PRSS12: variants seen among roughly 807,000 people sequenced by gnomAD.
PRSS12 encodes neurotrypsin.
In PRSS12, 85 loss-of-function variants were observed where a neutral mutation model predicts 104.4. The ratio of observed to expected loss-of-function variants is 0.81; its 90% CI spans 0.68 to 0.98. PRSS12 has a LOEUF of 0.98. Among genes scored for constraint, PRSS12 ranks in the 50% least tolerant of loss-of-function variants. The probability of loss-of-function intolerance (pLI) is 0.00; values close to 1 mark genes in which losing one functional copy is unlikely to be tolerated. For synonymous variants in PRSS12, 454 were observed against 425.2 expected (o/e 1.07, Z -0.83); for missense variants, 1,141 against 1,139.2 (o/e 1.00, Z -0.02).
At chr4:118,307,839 T>C (rs1392626075) in intron 8 of PRSS12, among the ~76,000 whole-genome samples, 3 of 151,876 alleles carry the variant, frequency 2.0e-5, no homozygotes, top group South Asian at 2.1e-4. Context: ...AGCACTTCGG[T>C]ACTATAAATG....
intron 8 of PRSS12, 90 bp from the exon 9 acceptor site, chr4:118,299,028 T>G: frequency 7.2e-7 from 1 of 1,392,990 alleles, no homozygotes; most frequent in East Asian, 2.4e-5. Context: ...ATTCCTTAAT[T>G]TTTACATATT....
intron 1 of PRSS12, among the ~76,000 whole-genome samples, chr4:118,349,417 A>C (rs1578945633): frequency 6.7e-6 from 1 of 150,094 alleles, no homozygotes; most frequent in African/African-American, 2.5e-5. Flanking sequence ...AAAAAAAAAA[A>C]CAAAGAAAAA....
intron 1 of PRSS12, among the ~76,000 whole-genome samples, chr4:118,343,633 T>C (rs1236297590): frequency 6.6e-6 from 1 of 152,192 alleles, no homozygotes; most frequent in African/African-American, 2.4e-5. Flanking sequence ...GGCCCAGGCC[T>C]GTAATCCCAG....
rs535849901 is a variant in PRSS12 at position 118,291,215 on chromosome 4, C to T, written c.2039+3724G>A. Among the ~76,000 whole-genome samples the T allele has an allele frequency of 7.2e-5, 11 of 152,204 alleles. No individual in the cohort carries two copies. The East Asian group carries it at 2.1e-3, about 29-fold the overall frequency. On this transcript the variant is annotated intron_variant, in intron 11 of 12. Coordinates refer to ENST00000296498, the MANE Select transcript of PRSS12 (RefSeq NM_003619.4). ...AAGAGGAATCCATAACCCTGGCATC[C>T]CAGGCCATTCTCGTCTCTCTAAGTT...
chr4:118,302,856 T>C (rs754533764), intron 8 of PRSS12, among the ~76,000 whole-genome samples: 8 of 152,216 alleles, frequency 5.3e-5, no homozygotes, highest in South Asian at 2.1e-4. Context: ...ATTGTTGAGA[T>C]TGTTGTTTAT....
At chr4:118,329,044 G>A (rs1308775824) in intron 4 of PRSS12, among the ~76,000 whole-genome samples, 7 of 152,004 alleles carry the variant, frequency 4.6e-5, no homozygotes, top group African/African-American at 1.5e-4. Context: ...CACCCACCTC[G>A]GCCTCCCAAA....
intron 5 of PRSS12, among the ~76,000 whole-genome samples, chr4:118,317,184 C>T (rs768988917): frequency 1.3e-5 from 2 of 152,008 alleles, no homozygotes; most frequent in African/African-American, 2.4e-5. Flanking sequence ...AGATATGTCT[C>T]GCCTTTGTTC....
chr4:118,304,999 A>T (rs1743506117), intron 8 of PRSS12, among the ~76,000 whole-genome samples: 1 of 151,652 alleles, frequency 6.6e-6, no homozygotes, highest in Non-Finnish European at 1.5e-5. Context: ...AGTTTCCTGG[A>T]TTGATTTCTA....
intron 8 of PRSS12, among the ~76,000 whole-genome samples, chr4:118,300,783 A>G (rs986579541): frequency 6.6e-6 from 1 of 152,138 alleles, no homozygotes; most frequent in African/African-American, 2.4e-5. Context: ...TCTAGTAGAG[A>G]ATAATGGCAT....
chr4:118,315,726 C>A (rs923143667), intron 6 of PRSS12, among the ~76,000 whole-genome samples: 2 of 152,170 alleles, frequency 1.3e-5, no homozygotes, highest in Admixed American at 1.3e-4. Flanking sequence ...CATCTCCTAA[C>A]AAGAGGGCTG....
chr4:118,352,706 G>C lies in PRSS12; in HGVS notation c.15C>G (p.Arg5=). 1 of 1,613,028 alleles carries C rather than the reference G, an allele frequency of 6.2e-7. No individual in the cohort carries two copies. The change falls in exon 1 of 13, where the codon CGC becomes CGG. Residue 5 remains arginine (R), a synonymous_variant. Transcript: ENST00000296498. MTLA[R]FVLALMLGAL... is the part of the protein sequence containing the mutation. ...CCCCTAACATCAGGGCTAGCACGAA[G>C]CGGGCGAGCGTCATGGTGCCAGCGC...
At chr4:118,344,108 C>T (rs995225005) in intron 1 of PRSS12, among the ~76,000 whole-genome samples, 5 of 152,060 alleles carry the variant, frequency 3.3e-5, no homozygotes, top group Non-Finnish European at 7.4e-5. Context: ...ACAAAAAGTA[C>T]ACTTAAAGCT....
At chr4:118,305,171 C>T (rs1301929770) in intron 8 of PRSS12, among the ~76,000 whole-genome samples, 1 of 149,844 alleles carries the variant, frequency 6.7e-6, no homozygotes, top group Non-Finnish European at 1.5e-5. Context: ...CATATATGTT[C>T]TTATATGAAA....
intron 8 of PRSS12, among the ~76,000 whole-genome samples, chr4:118,299,789 TAAAATAAATAAAATAAAATAAATA>T (rs1560768447): frequency 9.2e-4 from 83 of 90,332 alleles, no homozygotes; most frequent in Non-Finnish European, 1.5e-3. Context: ...TAAAATAAAA[TAAAATAAATAAAATAAAATAAATA>T]AAATAAAATA....
At position 118,352,271 on chromosome 4, in the gene PRSS12, G is replaced by T. The variant is rs267599998; in HGVS notation, c.450C>A (p.Phe150Leu). ...CCACCTTGCCACGGGCGTCTCCGTA[G>T]AAACACCAGGGTCTGCCCGCGCCGT... ...SPDGAGRPWC[F>L]YGDARGKVDW... Residue 150 changes from phenylalanine to leucine, a missense_variant, in exon 1 of 13, where the codon TTC becomes TTA. Transcript: ENST00000296498. 31 of 1,610,828 alleles carry T rather than the reference G, an allele frequency of 1.9e-5. No homozygotes were observed. Among genetic ancestry groups the T allele is most frequent in the Admixed American group, 1.3e-4 (8 of 59,836 alleles).
intron 4 of PRSS12, among the ~76,000 whole-genome samples, chr4:118,325,872 G>T (rs1323582673): frequency 6.7e-6 from 1 of 149,900 alleles, no homozygotes; most frequent in Non-Finnish European, 1.5e-5. Flanking sequence ...CTAATACCCT[G>T]AATTATTTTC....
At chr4:118,341,975 C>T (rs1724223823) in intron 1 of PRSS12, among the ~76,000 whole-genome samples, 2 of 152,122 alleles carry the variant, frequency 1.3e-5, no homozygotes, top group African/African-American at 4.8e-5. Context: ...TGGAAATAAG[C>T]CAACTAGGAA....
At chr4:118,325,145 AC>A (rs1220636889) in intron 4 of PRSS12, among the ~76,000 whole-genome samples, 1 of 152,006 alleles carries the variant, frequency 6.6e-6, no homozygotes, top group Non-Finnish European at 1.5e-5. Context: ...GGAACAGAAA[AC>A]CAAGTACCAC....
chr4:118,287,690 G>A (rs1248954119), intron 11 of PRSS12, among the ~76,000 whole-genome samples: 2 of 152,166 alleles, frequency 1.3e-5, no homozygotes, highest in Non-Finnish European at 2.9e-5. Context: ...CAATATGTGT[G>A]TGGACTTCAG....
Sources: gnomAD v4.1 joint callset for allele counts (sites outside exome capture counted in the v4.1 genomes callset) on GRCh38, gnomAD v4.1.1 for gene constraint, MANE v1.5 for transcripts, NCBI Gene and HGNC (gene_info 2026-07-23, HGNC 2026-07-21) for gene names.